WDR49: variants seen among roughly 807,000 people sequenced by gnomAD.
WDR49 encodes the protein cilia- and flagella-associated protein 337.
A neutral mutation model predicts 119.5 loss-of-function variants in WDR49; 107 were observed. The observed-to-expected ratio is 0.90, with a 90% CI of 0.77 to 1.05. WDR49 has a LOEUF of 1.05. WDR49 is among the 50% of genes least tolerant of loss of function. The pLI is 0.00. For missense variants in WDR49, 1,240 were observed against 1,220.5 expected (o/e 1.02, Z -0.24); for synonymous variants, 425 against 418.8 (o/e 1.01, Z -0.18).
intron 18 of WDR49, among the ~76,000 whole-genome samples, chr3:167,491,686 G>A (rs1234504820): frequency 6.6e-6 from 1 of 152,114 alleles, no homozygotes; most frequent in Non-Finnish European, 1.5e-5. Flanking sequence ...AGATTTTACA[G>A]ATACAATGTG....
chr3:167,651,623 A>G (rs1718387903), intron 2 of WDR49, among the ~76,000 whole-genome samples: 1 of 151,982 alleles, frequency 6.6e-6, no homozygotes, highest in Non-Finnish European at 1.5e-5. Context: ...ACACCTGCAA[A>G]GCTCAATTTC....
chr3:167,510,609 A>G (rs1001997223), intron 16 of WDR49, among the ~76,000 whole-genome samples: 1 of 152,156 alleles, frequency 6.6e-6, no homozygotes, highest in Non-Finnish European at 1.5e-5. Context: ...ATAACTCTTT[A>G]CCATCTACCT....
chr3:167,635,964 A>T (rs1230663311), intron 2 of WDR49, among the ~76,000 whole-genome samples: 3 of 151,382 alleles, frequency 2.0e-5, no homozygotes, highest in South Asian at 2.1e-4. Context: ...AAATTAAAAA[A>T]ATTTTTTTTT....
At chr3:167,528,528 TAAATAAAATAAAATAAAATA>T (rs10675052) in intron 14 of WDR49, among the ~76,000 whole-genome samples, 30 of 147,944 alleles carry the variant, frequency 2.0e-4, no homozygotes, top group African/African-American at 7.1e-4. Flanking sequence ...AAAAGTAAAA[TAAATAAAATAAAATAAAATA>T]AAATAAAATA....
At chr3:167,535,496 A>T (rs556815797) in intron 11 of WDR49, among the ~76,000 whole-genome samples, 1 of 152,172 alleles carries the variant, frequency 6.6e-6, no homozygotes, top group Non-Finnish European at 1.5e-5. Flanking sequence ...AAAATGTTCA[A>T]CATCACTGAT....
chr3:167,584,457 T>C (rs918375544), intron 7 of WDR49, among the ~76,000 whole-genome samples: 1 of 152,086 alleles, frequency 6.6e-6, no homozygotes, highest in Non-Finnish European at 1.5e-5. Flanking sequence ...TAAAATTTAC[T>C]TGGAAGGATA....
chr3:167,538,678 C>A (rs1179180936), intron 10 of WDR49, among the ~76,000 whole-genome samples: 1 of 152,040 alleles, frequency 6.6e-6, no homozygotes, highest in Non-Finnish European at 1.5e-5. Flanking sequence ...GAGCCGTCAG[C>A]ATAAAATGAC....
intron 18 of WDR49, among the ~76,000 whole-genome samples, chr3:167,497,171 G>C (rs1160549090): frequency 6.6e-6 from 1 of 152,032 alleles, no homozygotes; most frequent in African/African-American, 2.4e-5. Flanking sequence ...CCTCATTGGT[G>C]GTGTCATATG....
chr3:167,584,054 A>C (rs1714686775), intron 7 of WDR49, among the ~76,000 whole-genome samples: 1 of 152,198 alleles, frequency 6.6e-6, no homozygotes, highest in Non-Finnish European at 1.5e-5. Context: ...AAGAGCTACA[A>C]GTCAGAATCC....
intron 7 of WDR49, among the ~76,000 whole-genome samples, chr3:167,593,295 T>C (rs891440637): frequency 1.3e-5 from 2 of 152,042 alleles, no homozygotes; most frequent in African/African-American, 4.8e-5. Context: ...TTCATTTTCA[T>C]TCTTTTTTCT....
Position 167,514,137 on chromosome 3 carries a change from CA to C in WDR49, c.2774+8177del, listed in dbSNP as rs891619409. ...ATAGAGATTTACAGAAATCTCCACC[CA>C]AAAACAACAGAATATACTTTCTTCT... On this transcript the variant is annotated intron_variant, in intron 16 of 18. Coordinates refer to ENST00000682715, the MANE Select transcript of WDR49 (RefSeq NM_001366157.1). Among the ~76,000 whole-genome samples the C allele has an allele frequency of 1.9e-4, 29 of 152,276 alleles. No homozygotes were observed. The Middle Eastern group carries it at 0.014, about 71-fold the overall frequency.
At chr3:167,562,603 A>G (rs1247770017) in intron 8 of WDR49, among the ~76,000 whole-genome samples, 1 of 152,238 alleles carries the variant, frequency 6.6e-6, no homozygotes, top group East Asian at 1.9e-4. Flanking sequence ...GATCTTTGAA[A>G]TAATGTAACA....
intron 2 of WDR49, among the ~76,000 whole-genome samples, chr3:167,643,759 T>C (rs1717990874): frequency 1.3e-5 from 2 of 152,040 alleles, no homozygotes; most frequent in African/African-American, 4.8e-5. Flanking sequence ...AAATACCTGT[T>C]GTAAGAATGA....
chr3:167,616,366 G>A (rs1716597459), intron 5 of WDR49, among the ~76,000 whole-genome samples: 1 of 152,156 alleles, frequency 6.6e-6, no homozygotes, highest in African/African-American at 2.4e-5. Flanking sequence ...ACAAATATTA[G>A]CAACAATATT....
intron 13 of WDR49, among the ~76,000 whole-genome samples, chr3:167,530,455 A>G (rs1039118753): frequency 6.6e-6 from 1 of 152,136 alleles, no homozygotes; most frequent in African/African-American, 2.4e-5. Context: ...CACTGACAAC[A>G]AGGAAAAAAT....
At chr3:167,498,645 T>G (rs899162471) in intron 18 of WDR49, among the ~76,000 whole-genome samples, 1 of 152,176 alleles carries the variant, frequency 6.6e-6, no homozygotes, top group Non-Finnish European at 1.5e-5. Context: ...AGGTAGTCTC[T>G]TAGGTTAAAA....
intron 17 of WDR49, among the ~76,000 whole-genome samples, chr3:167,501,428 TATA>T (rs768533314): frequency 4.6e-5 from 7 of 152,302 alleles, no homozygotes; most frequent in Admixed American, 3.9e-4. Flanking sequence ...TATTGGTTGC[TATA>T]ATATGCCAGG....
intron 18 of WDR49, among the ~76,000 whole-genome samples, chr3:167,498,381 A>C (rs755439658): frequency 2.3e-4 from 35 of 152,152 alleles, no homozygotes; most frequent in Admixed American, 3.3e-4. Context: ...GACTCAAAGA[A>C]GGGCCTGAGG....
chr3:167,503,694 G>A (rs986767173), intron 17 of WDR49, among the ~76,000 whole-genome samples: 13 of 152,190 alleles, frequency 8.5e-5, no homozygotes, highest in African/African-American at 2.2e-4. Flanking sequence ...GGAAGTCAGC[G>A]GTGGGTCTGT....
Sources: allele counts gnomAD v4.1 joint callset (sites outside exome capture counted in the v4.1 genomes callset), GRCh38; gene constraint gnomAD v4.1.1; transcripts MANE v1.5; gene names NCBI Gene and HGNC (gene_info 2026-07-23, HGNC 2026-07-21).